Variants in TMED3 observed in about 807,000 individuals in gnomAD.
TMED3 encodes the protein transmembrane p24 trafficking protein 3, also known as transmembrane emp24 domain-containing protein 3.
In TMED3, 9 loss-of-function variants were observed where a neutral mutation model predicts 15.0. That is an observed-to-expected ratio of 0.60 (90% CI 0.36 to 1.04). TMED3 has a LOEUF of 1.04. TMED3 is among the 50% of genes least tolerant of loss of function. The pLI is 0.01. For synonymous variants in TMED3, 117 were observed against 121.4 expected, an observed-to-expected ratio of 0.96 and a Z score of 0.24; for missense variants, 267 against 278.9, an observed-to-expected ratio of 0.96 and a Z score of 0.30.
intron 2 of TMED3, among the ~76,000 whole-genome samples, chr15:79,334,489 G>C (rs961012930): frequency 4.6e-5 from 7 of 152,130 alleles, no homozygotes; most frequent in African/African-American, 1.7e-4. Context: ...AGGTGTGCAG[G>C]AGATGTGGCA....
At chr15:79,324,286 C>T (rs1229501657), downstream of TMED3, among the ~76,000 whole-genome samples, 2 of 152,154 alleles carry the variant, frequency 1.3e-5, no homozygotes, top group African/African-American at 4.8e-5. Flanking sequence ...CCACTGCACC[C>T]GGCCCCAGAA....
intron 2 of TMED3, among the ~76,000 whole-genome samples, chr15:79,339,180 G>C (rs1294831523): frequency 2.0e-5 from 3 of 152,120 alleles, no homozygotes; most frequent in Non-Finnish European, 1.5e-5. Flanking sequence ...CTCTCTCTCT[G>C]CCTCAGCTGC....
intron 2 of TMED3, among the ~76,000 whole-genome samples, chr15:79,355,773 C>T (rs1345319298): frequency 6.6e-6 from 1 of 152,158 alleles, no homozygotes; most frequent in African/African-American, 2.4e-5. Flanking sequence ...CCGGCCTGAC[C>T]CTCCACTGAA....
At chr15:79,330,605 A>AC (rs1460956474) in intron 2 of TMED3, among the ~76,000 whole-genome samples, 1 of 152,196 alleles carries the variant, frequency 6.6e-6, no homozygotes, top group Non-Finnish European at 1.5e-5. Context: ...GGACCATACT[A>AC]CCCAAAGCAA....
At chr15:79,383,266 G>GA in intron 2 of TMED3, 1 of 543,154 alleles carries the variant, frequency 1.8e-6, no homozygotes, top group East Asian at 2.9e-5. Context: ...TCTTGTTTTG[G>GA]AAAATGTCTT....
At chr15:79,410,345 C>T (rs897389023) in intron 2 of TMED3, among the ~76,000 whole-genome samples, 10 of 152,232 alleles carry the variant, frequency 6.6e-5, no homozygotes, top group African/African-American at 2.4e-4. Flanking sequence ...TTTTTCCCAT[C>T]GGAATGAAGC....
intron 2 of TMED3, among the ~76,000 whole-genome samples, chr15:79,377,850 G>T (rs1443017394): frequency 2.0e-5 from 3 of 151,920 alleles, no homozygotes; most frequent in East Asian, 1.9e-4. Context: ...GTTTCACCGT[G>T]TTAGCCAGGA....
chr15:79,324,858 C>G (rs1413225532), downstream of TMED3, among the ~76,000 whole-genome samples: 2 of 152,196 alleles, frequency 1.3e-5, no homozygotes, highest in Non-Finnish European at 2.9e-5. Context: ...GAATCCAGGT[C>G]TGCTATGTGC....
At chr15:79,405,893 G>A (rs1465532212) in intron 2 of TMED3, among the ~76,000 whole-genome samples, 1 of 152,154 alleles carries the variant, frequency 6.6e-6, no homozygotes, top group Non-Finnish European at 1.5e-5. Flanking sequence ...ACAGAAAGGT[G>A]AGCTGCTTTT....
At chr15:79,394,448 C>T (rs1245066136) in intron 2 of TMED3, among the ~76,000 whole-genome samples, 2 of 152,166 alleles carry the variant, frequency 1.3e-5, no homozygotes, top group African/African-American at 4.8e-5. Context: ...CTAAAAAATA[C>T]ACATGGGGAG....
At chr15:79,378,141 A>G (rs979677674) in intron 2 of TMED3, among the ~76,000 whole-genome samples, 12 of 152,250 alleles carry the variant, frequency 7.9e-5, no homozygotes, top group Non-Finnish European at 1.5e-5. Context: ...ACAATTTCCT[A>G]TGACCATAAG....
intron 2 of TMED3, among the ~76,000 whole-genome samples, chr15:79,396,694 T>C (rs1192694131): frequency 1.3e-5 from 2 of 152,182 alleles, no homozygotes; most frequent in Non-Finnish European, 2.9e-5. Context: ...CACAGAATGA[T>C]TGGCACTGGT....
intron 1 of TMED3, among the ~76,000 whole-genome samples, chr15:79,312,329 G>A (rs552646366): frequency 6.6e-6 from 1 of 152,312 alleles, no homozygotes; most frequent in East Asian, 1.9e-4. Flanking sequence ...CCACTTTCAG[G>A]TCTTTGTGGA....
intron 2 of TMED3, among the ~76,000 whole-genome samples, chr15:79,365,109 G>A (rs1031266753): frequency 4.6e-5 from 7 of 152,232 alleles, no homozygotes; most frequent in African/African-American, 1.7e-4. Flanking sequence ...GGGAACAGGC[G>A]ATTCACACCC....
intron 2 of TMED3, among the ~76,000 whole-genome samples, chr15:79,380,581 T>A (rs28862961): frequency 1.5e-4 from 15 of 102,872 alleles, no homozygotes; most frequent in East Asian, 1.0e-3. Context: ...ATATATAGTT[T>A]TATATATATA....
chr15:79,329,481 T>C (rs72739102), intron 2 of TMED3, among the ~76,000 whole-genome samples: 27,478 of 152,262 alleles, frequency 0.18, 2,468 homozygotes, highest in Admixed American at 0.24. Context: ...TGTGTAAGCT[T>C]GTACTTGGCT....
intron 2 of TMED3, among the ~76,000 whole-genome samples, chr15:79,405,653 T>C (rs536743962): frequency 6.6e-6 from 1 of 152,360 alleles, no homozygotes; most frequent in South Asian, 2.1e-4. Flanking sequence ...TGAATTTTCA[T>C]GGCTTTTTTC....
At chr15:79,358,300 C>T (rs1433662713) in intron 2 of TMED3, among the ~76,000 whole-genome samples, 2 of 152,220 alleles carry the variant, frequency 1.3e-5, no homozygotes. Flanking sequence ...GAGGCCAGCA[C>T]CTTCAAGTGT....
exon 3 of TMED3, chr15:79,411,671 C>G (rs978134511): frequency 6.8e-6 from 4 of 584,500 alleles, no homozygotes; most frequent in South Asian, 3.9e-5. Context: ...ACAACCTGCT[C>G]TCACCACAGG....
Sources: gnomAD v4.1 joint callset for allele counts (sites outside exome capture counted in the v4.1 genomes callset) on GRCh38, gnomAD v4.1.1 for gene constraint, MANE v1.5 for transcripts, NCBI Gene and HGNC (gene_info 2026-07-23, HGNC 2026-07-21) for gene names.